The following MARK3 variants were observed in gnomAD, a reference collection of about 807,000 sequenced individuals.
MARK3 encodes the protein microtubule affinity regulating kinase 3.
MARK3 carries 46 observed loss-of-function variants against 90.1 expected under a neutral mutation model. The ratio of observed to expected loss-of-function variants is 0.51; its 90% CI spans 0.40 to 0.65. MARK3 has a LOEUF of 0.65. Among genes scored for constraint, MARK3 ranks in the 30% least tolerant of loss-of-function variants. The pLI is 0.00. For missense variants in MARK3, 818 were observed against 947.2 expected (o/e 0.86, Z 1.79); for synonymous variants, 321 against 332.6 (o/e 0.97, Z 0.38).
chr14:103,492,900 A>T (rs1208105850), intron 15 of MARK3, among the ~76,000 whole-genome samples: 1 of 152,238 alleles, frequency 6.6e-6, no homozygotes, highest in African/African-American at 2.4e-5. Flanking sequence ...GAGCCCCTGC[A>T]GTTTCAGGAC....
rs559831634 is a variant in MARK3 at position 103,451,822 on chromosome 14, G to C, written c.347-96G>C. Reference sequence around the variant, plus strand: ...GCCAGCTATTAAAATCTTTAACAGGGAAAAGGTTGCTTTTCATAGTTAGAG... The same window carrying C: ...GCCAGCTATTAAAATCTTTAACAGGCAAAAGGTTGCTTTTCATAGTTAGAG... On this transcript the variant is annotated intron_variant, in intron 4 of 17. Coordinates refer to ENST00000429436, the MANE Select transcript of MARK3 (RefSeq NM_001128918.3). 311 of 768,724 alleles carry C rather than the reference G, an allele frequency of 4.0e-4. 2 individuals are homozygous for C. Among genetic ancestry groups the C allele is most frequent in the South Asian group, 1.7e-3 (82 of 48,166 alleles). 47.6% of individuals were successfully genotyped at this position (768,724 alleles called of 1,614,324 possible).
chr14:103,498,372 T>G, intron 15 of MARK3, 130 bp from the exon 16 acceptor site: 1 of 555,912 alleles, frequency 1.8e-6, no homozygotes, highest in Non-Finnish European at 2.9e-6. Flanking sequence ...CAGCATTTCT[T>G]TGTTCATTGG....
At chr14:103,440,062 G>T (rs2092812925) in intron 3 of MARK3, among the ~76,000 whole-genome samples, 1 of 152,230 alleles carries the variant, frequency 6.6e-6, no homozygotes, top group African/African-American at 2.4e-5. Flanking sequence ...TGGGATTACA[G>T]GTGTGAACCA....
rs750286005 is a variant in MARK3 at position 103,466,440 on chromosome 14, T to C, written c.995T>C (p.Ile332Thr). Residue 332 changes from isoleucine (I) to threonine (T), a missense_variant and splice_region_variant, in exon 10 of 18, where the codon ATA (isoleucine) becomes ACA (threonine). Ile to Thr is a moderately conservative substitution (Grantham distance 89, BLOSUM62 -1). Coordinates refer to ENST00000429436, the MANE Select transcript of MARK3 (RefSeq NM_001128918.3). ...PELDISDQKR[I>T]DIMVGMGYSQ... is the part of the protein sequence containing the mutation. ...CTAGACATCTCAGACCAAAAAAGAA[T>C]AGGTAATCACTCCATGCCTGCATGT... 13 of 1,603,430 alleles carry C rather than the reference T, an allele frequency of 8.1e-6. No homozygotes were observed. Among genetic ancestry groups the C allele is most frequent in the South Asian group, 4.4e-5 (4 of 90,746 alleles).
At chr14:103,486,128 C>G (rs1256678131) in intron 14 of MARK3, among the ~76,000 whole-genome samples, 3 of 152,020 alleles carry the variant, frequency 2.0e-5, no homozygotes, top group Non-Finnish European at 2.9e-5. Flanking sequence ...AATTCCATCT[C>G]TACCAAAAAT....
chr14:103,428,416 GT>G lies in MARK3; in HGVS notation c.275del (p.Leu92Ter). On this transcript the variant is annotated frameshift_variant, in exon 3 of 18. Transcript: ENST00000429436. LOFTEE classifies it high-confidence loss of function. ...CAATAAAAATAATTGACAAAACTCA[GT>G]TGAATCCAACAAGTCTACAAAAGGT... ...VAIKIIDKTQ[L>X]NPTSLQKLFR... is the part of the protein sequence containing the mutation. 1 of 1,501,464 alleles carries G rather than the reference GT, an allele frequency of 6.7e-7. No homozygotes were observed. Among genetic ancestry groups the G allele is most frequent in the Non-Finnish European group, 9.0e-7 (1 of 1,108,192 alleles). The allele number at this position is 1,501,464 out of a possible 1,614,324, so 93.0% of individuals were successfully genotyped here. A position where few individuals can be genotyped will look rare whatever the true frequency, so the allele number is the denominator to read the frequency against.
chr14:103,406,315 C>G (rs552013860), intron 2 of MARK3, among the ~76,000 whole-genome samples: 101 of 152,150 alleles, frequency 6.6e-4, no homozygotes, highest in African/African-American at 2.4e-3. Context: ...ACCTCCGCCT[C>G]CCAGGTTCAA....
chr14:103,390,816 C>T (rs10143035), intron 1 of MARK3, among the ~76,000 whole-genome samples: 1 of 152,176 alleles, frequency 6.6e-6, no homozygotes, highest in African/African-American at 2.4e-5. Flanking sequence ...TCAAGCAATC[C>T]TTCCGACTCA....
In MARK3 at chr14:103,385,889, C is replaced by T. The variant is rs2089745794; in HGVS notation, c.-141C>T. The T allele has an allele frequency of 1.5e-6, 1 of 649,884 alleles. No homozygotes were observed. Among genetic ancestry groups the T allele is most frequent in the African/African-American group, 1.8e-5 (1 of 54,748 alleles). The allele number at this position is 649,884 out of a possible 1,614,324, so 40.3% of individuals were successfully genotyped here. ...GCCCGGGCCAGGCCCGGGATCTAGA[C>T]GGCCGTAGGGGGAAGGGAGCCGCCC... On this transcript the variant is annotated 5_prime_UTR_variant, in exon 1 of 18. The change creates a new upstream start codon in the 5' untranslated region. Coordinates refer to ENST00000429436, the MANE Select transcript of MARK3 (RefSeq NM_001128918.3).
intron 2 of MARK3, among the ~76,000 whole-genome samples, chr14:103,423,497 G>A (rs1267507076): frequency 6.6e-6 from 1 of 152,170 alleles, no homozygotes; most frequent in African/African-American, 2.4e-5. Flanking sequence ...CTTGGTGTTT[G>A]TTGAGTCTCC....
At chr14:103,450,541 G>A (rs906628691) in intron 4 of MARK3, among the ~76,000 whole-genome samples, 2 of 152,118 alleles carry the variant, frequency 1.3e-5, no homozygotes. Context: ...CCAAAGTTTC[G>A]TTGGAAGATT....
Position 103,405,593 on chromosome 14 carries a change from G to A in MARK3, c.243+326G>A, listed in dbSNP as rs1033320325. Among the ~76,000 whole-genome samples, 3 of 152,030 alleles carry A rather than the reference G, an allele frequency of 2.0e-5. No individual in the cohort carries two copies. The East Asian group carries it at 5.8e-4, about 29-fold the overall frequency. ...CCTGACCTTGTGATCCGCCCGTCTC[G>A]GCCTCCCAAAGTGCTGGGATTACAG... On this transcript the variant is annotated intron_variant, in intron 2 of 17. Transcript: ENST00000429436.
At chr14:103,407,782 A>G (rs972393136) in intron 2 of MARK3, among the ~76,000 whole-genome samples, 1 of 151,776 alleles carries the variant, frequency 6.6e-6, no homozygotes, top group African/African-American at 2.4e-5. Context: ...GATGGTCTCA[A>G]TCTCTTGACC....
At chr14:103,486,165 A>G (rs1025709159) in intron 14 of MARK3, among the ~76,000 whole-genome samples, 1 of 151,998 alleles carries the variant, frequency 6.6e-6, no homozygotes, top group African/African-American at 2.4e-5. Context: ...GGTGCCAGGC[A>G]CAGTGCCTCA....
chr14:103,397,635 T>A (rs913181575), intron 1 of MARK3, among the ~76,000 whole-genome samples: 1 of 152,156 alleles, frequency 6.6e-6, no homozygotes, highest in African/African-American at 2.4e-5. Context: ...TGAATCAAGA[T>A]TTTTTTAGCC....
At chr14:103,499,882 C>CAGTGTGT in intron 16 of MARK3, 3 of 309,348 alleles carry the variant, frequency 9.7e-6, no homozygotes, top group Non-Finnish European at 1.8e-5. Context: ...GTGCAGTGTG[C>CAGTGTGT]AGCGTGCAGC....
intron 5 of MARK3, among the ~76,000 whole-genome samples, chr14:103,455,163 C>A (rs941861423): frequency 6.6e-6 from 1 of 152,114 alleles, no homozygotes; most frequent in Admixed American, 6.5e-5. Context: ...ATTATATTGA[C>A]AGACTTGGAT....
rs774466040 is a variant in MARK3 at position 103,405,246 on chromosome 14, A to C, written c.222A>C (p.Arg74Ser). The C allele has an allele frequency of 5.1e-5, 80 of 1,554,186 alleles. 1 individual carries two copies. Among genetic ancestry groups the C allele is most frequent in the South Asian group, 1.5e-4 (12 of 81,770 alleles). The change falls in exon 2 of 18, where the codon AGA (arginine) becomes AGC (serine). Residue 74 changes from arginine to serine, a missense_variant. Physicochemically the swap from Arg to Ser is moderately radical, Grantham distance 110. Transcript: ENST00000429436. ...KGNFAKVKLA[R>S]HILTGREVAI... The stretch of plus-strand genomic sequence containing the variant: ...ATTTTGCAAAAGTAAAATTGGCAAG[A>C]CATATCCTTACAGGCAGAGAGGTAA...
chr14:103,464,268 TAAAG>T (rs1266244720), intron 7 of MARK3, among the ~76,000 whole-genome samples: 3 of 151,686 alleles, frequency 2.0e-5, no homozygotes, highest in Admixed American at 6.6e-5. Flanking sequence ...AAATGTTTCT[TAAAG>T]TGACTGTGAT....
Sources: allele counts gnomAD v4.1 joint callset (sites outside exome capture counted in the v4.1 genomes callset), GRCh38; gene constraint gnomAD v4.1.1; transcripts MANE v1.5; gene names NCBI Gene and HGNC (gene_info 2026-07-23, HGNC 2026-07-21).